GAS2L1: variants seen among roughly 807,000 people sequenced by gnomAD.
The protein encoded by GAS2L1 is growth arrest specific 2 like 1, also known as GAS2-like protein 1.
GAS2L1 carries 26 observed loss-of-function variants against 44.0 expected under a neutral mutation model. The ratio of observed to expected loss-of-function variants is 0.59; its 90% CI spans 0.43 to 0.82. The LOEUF (loss-of-function observed/expected upper bound fraction) is 0.82, where lower values mean the gene tolerates loss of function less well. GAS2L1 is among the 40% of genes least tolerant of loss of function. GAS2L1 has a pLI of 0.00. For missense variants in GAS2L1, 1,006 were observed against 983.0 expected, an observed-to-expected ratio of 1.02 and a Z score of -0.31; for synonymous variants, 426 against 415.9, an observed-to-expected ratio of 1.02 and a Z score of -0.30.
At chr22:29,312,585 T>C in exon 5 of GAS2L1, 1 of 995,994 alleles carries the variant, frequency 1.0e-6, no homozygotes, top group Non-Finnish European at 1.4e-6. Flanking sequence ...CCCCTCTGCC[T>C]CTTGAGTACC....
exon 5 of GAS2L1, chr22:29,312,031 C>G: frequency 6.2e-7 from 1 of 1,612,328 alleles, no homozygotes; most frequent in Non-Finnish European, 8.5e-7. Flanking sequence ...GAGTTCCTGG[C>G]CAATGCCCGG....
Position 29,311,182 on chromosome 22 carries a change from G to C in GAS2L1, c.1010+184G>C, listed in dbSNP as rs550907092. 4 of 621,394 alleles carry C rather than the reference G, an allele frequency of 6.4e-6. No homozygotes were observed. The East Asian group carries it at 8.5e-5, about 13-fold the overall frequency. 38.5% of individuals were successfully genotyped at this position (621,394 alleles called of 1,614,324 possible). On this transcript the variant is annotated intron_variant, in intron 4 of 4. Transcript: ENST00000618518. ...ACCAAACCAACAACACAGCTGGGGC[G>C]GGCCCTGTGGCTGGGCGGCAGCCAG...
At chr22:29,312,450 G>T (rs1479858814) in exon 5 of GAS2L1, 20 of 1,523,124 alleles carry the variant, frequency 1.3e-5, no homozygotes, top group Middle Eastern at 3.5e-4. Flanking sequence ...GACATGGCAT[G>T]CCCTGCACTC....
chr22:29,311,066 A>T, intron 4 of GAS2L1, 68 bp downstream of exon 5: 1 of 1,432,000 alleles, frequency 7.0e-7, no homozygotes, highest in Non-Finnish European at 9.5e-7. Flanking sequence ...GGCCTGCATG[A>T]TGGGTTGCCT....
At chr22:29,312,592 T>C in exon 5 of GAS2L1, 1 of 909,462 alleles carries the variant, frequency 1.1e-6, no homozygotes, top group South Asian at 2.2e-5. Flanking sequence ...GCCTCTTGAG[T>C]ACCAGACCTC....
rs140711281 is a variant in GAS2L1, at chr22:29,308,534, G to A, written c.429G>A (p.Val143=). The change falls in exon 1 of 5, where the codon GTG becomes GTA. Residue 143 remains valine, a synonymous_variant. Transcript: ENST00000618518. ...GCGTGGTGCTGTGCCTGCTGGAGGT[G>A]GCGCGGCGTGGGGCACGCCTGGGCC... 242 of 1,603,480 alleles carry A rather than the reference G, an allele frequency of 1.5e-4. No individual in the cohort carries two copies. The African/African-American group carries it at 3.1e-3, about 21-fold the overall frequency.
In GAS2L1 at chr22:29,312,002, G is replaced by A. The variant is rs765668665; in HGVS notation, c.1551G>A (p.Leu517=). The A allele has an allele frequency of 1.4e-5, 22 of 1,611,502 alleles. 1 individual carries two copies. Among genetic ancestry groups the A allele is most frequent in the Non-Finnish European group, 1.9e-5 (22 of 1,179,842 alleles). The change falls in exon 5 of 5, where the codon CTG becomes CTA. Residue 517 remains leucine, a synonymous_variant. Transcript: ENST00000618518. ...TCGACCCGCAGCAGGAGCAGCAGCT[G>A]TTCCGGCGCCTGGAAGAGGAGTTCC...
intron 4 of GAS2L1, 42 bp downstream of exon 5, chr22:29,311,040 G>C (rs773763317): frequency 1.9e-6 from 3 of 1,572,316 alleles, no homozygotes; most frequent in South Asian, 2.3e-5. Flanking sequence ...CCAGAGGGTG[G>C]GGGGGCGTCA....
chr22:29,311,766 C>T (rs746357740), exon 5 of GAS2L1: 13 of 1,541,472 alleles, frequency 8.4e-6, no homozygotes, highest in Non-Finnish European at 4.3e-6. Context: ...GAGCCAGAGC[C>T]GCGAGGAGCA....
chr22:29,309,155 G>C (rs1350938736), intron 1 of GAS2L1, among the ~76,000 whole-genome samples: 1 of 152,210 alleles, frequency 6.6e-6, no homozygotes, highest in Non-Finnish European at 1.5e-5. Context: ...GTGCTGTGAT[G>C]CTCGGTTGAG....
chr22:29,308,765 G>A, intron 1 of GAS2L1, 27 bp downstream of exon 2: 1 of 1,468,790 alleles, frequency 6.8e-7, no homozygotes, highest in South Asian at 1.4e-5. Flanking sequence ...CAGGTGCCAG[G>A]GACCCGACAG....
chr22:29,310,969 C>G (rs1444878402), exon 4 of GAS2L1: 38 of 1,613,324 alleles, frequency 2.4e-5, no homozygotes, highest in Non-Finnish European at 3.0e-5. Flanking sequence ...GCTTACGAAG[C>G]ACAAAGGAGG....
chr22:29,311,553 G>A, exon 5 of GAS2L1: 1 of 1,542,992 alleles, frequency 6.5e-7, no homozygotes, highest in Non-Finnish European at 8.7e-7. Context: ...CGGCCCCCTT[G>A]GTACCCGCAG....
chr22:29,311,992 A>T (rs1358637472), exon 5 of GAS2L1: 2 of 1,611,140 alleles, frequency 1.2e-6, no homozygotes, highest in East Asian at 4.5e-5. Context: ...CCGCAGCAGG[A>T]GCAGCAGCTG....
chr22:29,312,420 T>TC lies in GAS2L1; in HGVS notation c.1971dup (p.Gly658ArgfsTer19). On this transcript the variant is annotated frameshift_variant, in exon 5 of 5. Coordinates refer to ENST00000618518, the Ensembl canonical transcript of GAS2L1. LOFTEE classifies it high-confidence loss of function. ...CACGCCTCGGGGCCCCCGCCGCCCC[T>TC]CCGGACCCGCAGAGCTGGGGACATG... The TC allele has an allele frequency of 6.4e-7, 1 of 1,552,966 alleles. No homozygotes were observed. Among genetic ancestry groups the TC allele is most frequent in the Non-Finnish European group, 8.7e-7 (1 of 1,146,920 alleles).
exon 4 of GAS2L1, chr22:29,310,895 C>G: frequency 6.2e-7 from 1 of 1,613,530 alleles, no homozygotes; most frequent in South Asian, 1.1e-5. Context: ...CACCAGTCCC[C>G]GCCCTGCTAG....
In GAS2L1 at chr22:29,310,809, T is replaced by C. The variant is rs1334862626; in HGVS notation, c.839-18T>C. On this transcript the variant is annotated intron_variant, in intron 3 of 4. Coordinates refer to ENST00000618518, the Ensembl canonical transcript of GAS2L1. ...GTGGCTCTGTCCCTCACATGCTGCC[T>C]GTCCTCTCTCCCCGCAGCTCATCGC... 2.2e-5 allele frequency: 36 copies of C among 1,607,304 alleles called. No homozygotes were observed. The Middle Eastern group carries it at 4.9e-4, about 22-fold the overall frequency.
chr22:29,312,228 C>A, exon 5 of GAS2L1: 1 of 1,612,984 alleles, frequency 6.2e-7, no homozygotes, highest in Admixed American at 1.7e-5. Context: ...GCTGCCTGGG[C>A]CCCGAAGCCA....
exon 5 of GAS2L1, chr22:29,312,307 G>C (rs1336775501): frequency 1.2e-6 from 2 of 1,608,144 alleles, no homozygotes; most frequent in African/African-American, 1.3e-5. Flanking sequence ...GATGCACCTG[G>C]GAGCCCCCTG....
Sources: gnomAD v4.1 joint callset for allele counts (sites outside exome capture counted in the v4.1 genomes callset) on GRCh38, gnomAD v4.1.1 for gene constraint, MANE v1.5 for transcripts, NCBI Gene and HGNC (gene_info 2026-07-23, HGNC 2026-07-21) for gene names.